WASF1: variants seen among roughly 807,000 people sequenced by gnomAD.
WASF1 encodes actin-binding protein WASF1.
A neutral mutation model predicts 50.5 loss-of-function variants in WASF1; 7 were observed. That is an observed-to-expected ratio of 0.14 (90% CI 0.08 to 0.26). The LOEUF is 0.26. Ranked by LOEUF, WASF1 falls within the 10% of genes least tolerant of loss-of-function variation. WASF1 has a pLI of 1.00. For missense variants in WASF1, 470 were observed against 694.7 expected, an observed-to-expected ratio of 0.68 and a Z score of 3.64; for synonymous variants, 205 against 244.0, an observed-to-expected ratio of 0.84 and a Z score of 1.49.
chr6:110,113,441 T>C lies in WASF1; in HGVS notation c.153A>G (p.Ile51Met). The C allele has an allele frequency of 6.3e-7, 1 of 1,599,414 alleles. No homozygotes were observed. Among genetic ancestry groups the C allele is most frequent in the Non-Finnish European group, 8.5e-7 (1 of 1,174,352 alleles). The change falls in exon 5 of 11, where the codon ATA becomes ATG. Residue 51 changes from isoleucine (I) to methionine (M), a missense_variant. Around this residue, in one of 3 missense-constraint regions of WASF1, gnomAD observed 140 missense variants for 260.5 expected, o/e 0.54. Coordinates refer to ENST00000392589, the MANE Select transcript of WASF1 (RefSeq NM_003931.3). ...LSSLSKYAED[I>M]FGELFNEAHS... ...GTGCTTCATTGAATAATTCTCCAAATATATCTTCAGCATATTTACCTAAGC... is the reference window on the plus strand; with the variant it reads ...GTGCTTCATTGAATAATTCTCCAAACATATCTTCAGCATATTTACCTAAGC...
chr6:110,132,225 C>A (rs1261151317), intron 3 of WASF1, among the ~76,000 whole-genome samples: 2 of 151,864 alleles, frequency 1.3e-5, no homozygotes, highest in African/African-American at 4.8e-5. Flanking sequence ...CAAGATCTTC[C>A]TAATCTCTAA....
intron 3 of WASF1, among the ~76,000 whole-genome samples, chr6:110,154,854 A>C (rs573329610): frequency 1.3e-5 from 2 of 152,144 alleles, no homozygotes; most frequent in South Asian, 4.1e-4. Context: ...TGAAATGCAA[A>C]GACTAAAAGG....
In WASF1 at chr6:110,136,638, G is replaced by A. The variant is rs546425948; in HGVS notation, c.-28-9009C>T. On this transcript the variant is annotated intron_variant, in intron 3 of 10. Transcript: ENST00000392589. ...GCTTAAAAGTCTAATTTTTGTAGCC[G>A]TACCAGCTCTTTTGGTTGTGTTTGC... 2.8e-4 allele frequency among the ~76,000 whole-genome samples: 43 copies of A among 152,186 alleles called. No homozygotes were observed. In the South Asian group the frequency reaches 6.9e-3, roughly 24 times the overall value.
intron 3 of WASF1, among the ~76,000 whole-genome samples, chr6:110,127,865 T>C (rs1199451574): frequency 6.6e-6 from 1 of 152,214 alleles, no homozygotes; most frequent in Non-Finnish European, 1.5e-5. Flanking sequence ...GAAGACTTTA[T>C]GATGATTCAC....
intron 2 of WASF1, among the ~76,000 whole-genome samples, chr6:110,169,530 C>T (rs546371095): frequency 6.6e-6 from 1 of 152,146 alleles, no homozygotes; most frequent in Non-Finnish European, 1.5e-5. Flanking sequence ...ACAATACAGC[C>T]ATTTTCATTC....
At position 110,151,956 on chromosome 6, in the gene WASF1, AT is replaced by A. The variant is rs1381545352; in HGVS notation, c.-29+8678del. ...TATTTTTGTCCTTTTTAGAAAAAAAATATAAACTTTATTGAGGTATAAGTGA... is the reference window on the plus strand; with the variant it reads ...TATTTTTGTCCTTTTTAGAAAAAAAAATAAACTTTATTGAGGTATAAGTGA... On this transcript the variant is annotated intron_variant, in intron 3 of 10. Coordinates refer to ENST00000392589, the MANE Select transcript of WASF1 (RefSeq NM_003931.3). Among the ~76,000 whole-genome samples the A allele has an allele frequency of 5.3e-5, 8 of 152,306 alleles. 1 individual carries two copies. The highest frequency in any genetic ancestry group is 1.4e-4 in the African/African-American group (6 of 41,574).
intron 3 of WASF1, among the ~76,000 whole-genome samples, chr6:110,136,734 G>C (rs1774986158): frequency 6.6e-6 from 1 of 152,138 alleles, no homozygotes; most frequent in Non-Finnish European, 1.5e-5. Flanking sequence ...AATACAGTTA[G>C]CTGCTGCCTT....
intron 1 of WASF1, among the ~76,000 whole-genome samples, chr6:110,179,210 G>A (rs1777089200): frequency 6.6e-6 from 1 of 152,128 alleles, no homozygotes; most frequent in Non-Finnish European, 1.5e-5. Context: ...CAAGCCCCAG[G>A]CGCGCCCGCC....
At chr6:110,104,950 G>A (rs1773255200) in intron 8 of WASF1, among the ~76,000 whole-genome samples, 2 of 152,180 alleles carry the variant, frequency 1.3e-5, no homozygotes, top group African/African-American at 4.8e-5. Flanking sequence ...TTGTTTGAAA[G>A]TCCTAATATA....
At chr6:110,158,406 C>G (rs551879312) in intron 3 of WASF1, among the ~76,000 whole-genome samples, 1 of 129,252 alleles carries the variant, frequency 7.7e-6, no homozygotes, top group Non-Finnish European at 1.6e-5. Context: ...GGTGATATCC[C>G]CTTTATCATT....
In WASF1 at chr6:110,164,922, C is replaced by A. The variant is rs549486900; in HGVS notation, c.-126-4190G>T. 2.6e-5 allele frequency among the ~76,000 whole-genome samples: 4 copies of A among 151,536 alleles called. No individual in the cohort carries two copies. The East Asian group carries it at 7.8e-4, about 29-fold the overall frequency. Reference sequence around the variant, plus strand: ...GGGAGGAACCTTAAATGCATATTACCAAGTCAAAGAAGCGAATTTGAAATG... The same window carrying A: ...GGGAGGAACCTTAAATGCATATTACAAAGTCAAAGAAGCGAATTTGAAATG... On this transcript the variant is annotated intron_variant, in intron 2 of 10. Transcript: ENST00000392589.
intron 3 of WASF1, among the ~76,000 whole-genome samples, chr6:110,137,099 T>A (rs892325453): frequency 2.0e-5 from 3 of 152,208 alleles, no homozygotes; most frequent in African/African-American, 7.2e-5. Flanking sequence ...TAAATATGTA[T>A]CTGCTGAATA....
At chr6:110,117,214 C>G (rs1237855440) in intron 4 of WASF1, among the ~76,000 whole-genome samples, 1 of 152,138 alleles carries the variant, frequency 6.6e-6, no homozygotes, top group Non-Finnish European at 1.5e-5. Flanking sequence ...ACAAACTTCT[C>G]TGAGCTAAAG....
chr6:110,101,667 A>G lies in WASF1; in HGVS notation c.1443T>C (p.Ala481=), dbSNP rs1427348237. The G allele has an allele frequency of 1.2e-6, 2 of 1,613,994 alleles. No homozygotes were observed. The highest frequency in any genetic ancestry group is 1.7e-6 in the Non-Finnish European group (2 of 1,179,988). ...PPSPPSQVIP[A]SEPKRHPSTL... ...TTGATGGATGGCGCTTTGGCTCAGA[A>G]GCAGGTATAACTTGTGATGGAGGAG... The change falls in exon 10 of 11, where the codon GCT becomes GCC. Residue 481 remains alanine, a synonymous_variant. Coordinates refer to ENST00000392589, the MANE Select transcript of WASF1 (RefSeq NM_003931.3).
intron 3 of WASF1, among the ~76,000 whole-genome samples, chr6:110,129,493 A>G (rs975816566): frequency 1.3e-5 from 2 of 152,206 alleles, no homozygotes; most frequent in African/African-American, 4.8e-5. Flanking sequence ...GGTTGTGACA[A>G]AAAGAAGGAA....
At chr6:110,140,541 C>A (rs1038549896) in intron 3 of WASF1, among the ~76,000 whole-genome samples, 1 of 152,050 alleles carries the variant, frequency 6.6e-6, no homozygotes, top group Non-Finnish European at 1.5e-5. Flanking sequence ...ACTGAACCCT[C>A]AATCTATGGG....
chr6:110,141,457 TC>T (rs1202320405), intron 3 of WASF1, among the ~76,000 whole-genome samples: 3 of 152,060 alleles, frequency 2.0e-5, no homozygotes, highest in Non-Finnish European at 4.4e-5. Context: ...ACTAACTGAA[TC>T]CCCCAGGCAG....
intron 5 of WASF1, among the ~76,000 whole-genome samples, chr6:110,111,333 T>C (rs1773545881): frequency 6.6e-6 from 1 of 152,100 alleles, no homozygotes; most frequent in Non-Finnish European, 1.5e-5. Context: ...GTGTAATTAA[T>C]GTATTGATAC....
Position 110,124,225 on chromosome 6 carries a change from TC to T in WASF1, c.133+3243del, listed in dbSNP as rs529269190. On this transcript the variant is annotated intron_variant, in intron 4 of 10. Coordinates refer to ENST00000392589, the MANE Select transcript of WASF1 (RefSeq NM_003931.3). ...TCTCTCTCTCTCTCTCTCCTCTCTC[TC>T]CTCTCTCTCCTCTCTCTCTCTCTCT... 2.9e-3 allele frequency among the ~76,000 whole-genome samples: 142 copies of T among 49,768 alleles called. 11 individuals are homozygous for T. The highest frequency in any genetic ancestry group is 0.015 in the African/African-American group (111 of 7,176). 32.6% of individuals were successfully genotyped at this position (49,768 alleles called of 152,430 possible).
Sources: gnomAD v4.1 joint callset for allele counts (sites outside exome capture counted in the v4.1 genomes callset) on GRCh38, gnomAD v4.1.1 for gene constraint, gnomAD v4.1.1 regional missense constraint, MANE v1.5 for transcripts, NCBI Gene and HGNC (gene_info 2026-07-23, HGNC 2026-07-21) for gene names.